NTM: variants seen among roughly 807,000 people sequenced by gnomAD.
NTM encodes the protein neurotrimin.
NTM carries 13 observed loss-of-function variants against 42.1 expected under a neutral mutation model. The observed-to-expected ratio is 0.31, with a 90% CI of 0.20 to 0.49. The LOEUF is 0.49. NTM is among the 20% of genes least tolerant of loss of function. The pLI, the probability that NTM is intolerant of heterozygous loss-of-function variation, is 0.99. For synonymous variants in NTM, 187 were observed against 179.2 expected, an observed-to-expected ratio of 1.04 and a Z score of -0.35; for missense variants, 373 against 452.8, an observed-to-expected ratio of 0.82 and a Z score of 1.60.
chr11:131,427,962 C>T (rs1376911345), intron 1 of NTM, among the ~76,000 whole-genome samples: 11 of 152,114 alleles, frequency 7.2e-5, no homozygotes, highest in East Asian at 1.9e-4. Context: ...TTTTACATGT[C>T]GACATACCAT....
At chr11:132,247,478 G>T (rs971506486) in intron 4 of NTM, among the ~76,000 whole-genome samples, 11 of 152,126 alleles carry the variant, frequency 7.2e-5, no homozygotes, top group Admixed American at 3.3e-4. Flanking sequence ...AGATACTTTT[G>T]CTTCCCTTCT....
chr11:132,208,893 C>CA (rs2082396771), intron 3 of NTM, among the ~76,000 whole-genome samples: 4 of 152,146 alleles, frequency 2.6e-5, no homozygotes, highest in Non-Finnish European at 5.9e-5. Flanking sequence ...CAATAAATTA[C>CA]TTACCTGCAC....
intron 1 of NTM, among the ~76,000 whole-genome samples, chr11:131,410,626 T>A (rs1946303428): frequency 6.6e-6 from 1 of 150,558 alleles, no homozygotes; most frequent in Admixed American, 6.6e-5. Flanking sequence ...ATTTCTTGCG[T>A]CAATCTTTTT....
chr11:132,057,370 A>G (rs1465963923), intron 2 of NTM, among the ~76,000 whole-genome samples: 1 of 152,092 alleles, frequency 6.6e-6, no homozygotes, highest in East Asian at 1.9e-4. Context: ...TAGTGCAAAA[A>G]CTTCTTCCCT....
At chr11:131,454,260 A>G (rs539272591) in intron 1 of NTM, among the ~76,000 whole-genome samples, 1 of 152,330 alleles carries the variant, frequency 6.6e-6, no homozygotes, top group African/African-American at 2.4e-5. Context: ...ATTAAGCTTT[A>G]TCATAGGTAT....
At chr11:132,097,206 C>T (rs115422216) in intron 2 of NTM, among the ~76,000 whole-genome samples, 1 of 152,298 alleles carries the variant, frequency 6.6e-6, no homozygotes, top group African/African-American at 2.4e-5. Flanking sequence ...GCTCAGCTCT[C>T]TAGAGAGAGC....
At chr11:132,125,289 G>A (rs1036291314) in intron 2 of NTM, among the ~76,000 whole-genome samples, 7 of 147,528 alleles carry the variant, frequency 4.7e-5, no homozygotes, top group East Asian at 1.9e-4. Flanking sequence ...GTGTGTTTGT[G>A]TGTGTGTGTG....
chr11:131,834,600 T>A (rs1305676805), intron 1 of NTM, among the ~76,000 whole-genome samples: 2 of 118,390 alleles, frequency 1.7e-5, no homozygotes, highest in Non-Finnish European at 3.7e-5. Flanking sequence ...ATCTTCGGAA[T>A]AGTGTGTGTA....
In NTM at chr11:131,824,103, G is replaced by A. The variant is rs926040414; in HGVS notation, c.83-87461G>A. ...GTGAAGCACATCAGCTGAGGAGTGA[G>A]TTATAAATGAATCTAACAGAGAGAC... On this transcript the variant is annotated intron_variant, in intron 1 of 8. Coordinates refer to ENST00000683400, the MANE Select transcript of NTM (RefSeq NM_001352005.2). 4.6e-5 allele frequency among the ~76,000 whole-genome samples: 7 copies of A among 152,176 alleles called. No individual in the cohort carries two copies. In the South Asian group the frequency reaches 6.2e-4, roughly 13 times the overall value.
chr11:131,796,081 C>T, intron 1 of NTM: 1 of 985,386 alleles, frequency 1.0e-6, no homozygotes, highest in Non-Finnish European at 1.2e-6. Flanking sequence ...GCGTAACTCA[C>T]ACTAGTTATT....
At chr11:131,867,476 AGT>A (rs538970529) in intron 1 of NTM, among the ~76,000 whole-genome samples, 3 of 147,868 alleles carry the variant, frequency 2.0e-5, no homozygotes, top group South Asian at 2.1e-4. Flanking sequence ...TGTGTGTCTG[AGT>A]GTGTGTCTAC....
chr11:131,766,484 G>T (rs1049640447), intron 1 of NTM, among the ~76,000 whole-genome samples: 1 of 152,112 alleles, frequency 6.6e-6, no homozygotes, highest in African/African-American at 2.4e-5. Context: ...ACACACGGGA[G>T]GTACGTCAAG....
At chr11:131,553,088 G>GA (rs1458272058) in intron 1 of NTM, among the ~76,000 whole-genome samples, 1 of 152,050 alleles carries the variant, frequency 6.6e-6, no homozygotes, top group East Asian at 1.9e-4. Context: ...CTTTAAAAAG[G>GA]AAAAATCGAG....
At chr11:131,507,784 G>A (rs892799325) in intron 1 of NTM, among the ~76,000 whole-genome samples, 1 of 148,176 alleles carries the variant, frequency 6.7e-6, no homozygotes, top group South Asian at 2.2e-4. Context: ...TCCCTTGTAA[G>A]TTGGATTCCT....
intron 3 of NTM, among the ~76,000 whole-genome samples, chr11:132,151,331 C>G (rs1404646380): frequency 6.6e-6 from 1 of 152,186 alleles, no homozygotes; most frequent in Non-Finnish European, 1.5e-5. Flanking sequence ...TTTCTAAGAA[C>G]CCATGAATGG....
intron 1 of NTM, among the ~76,000 whole-genome samples, chr11:131,655,938 C>A (rs1439532882): frequency 6.6e-6 from 1 of 152,222 alleles, no homozygotes; most frequent in Non-Finnish European, 1.5e-5. Flanking sequence ...CACCATTGAA[C>A]CTGTGCCCTA....
At chr11:131,899,607 A>G (rs2052820144) in intron 1 of NTM, among the ~76,000 whole-genome samples, 1 of 152,218 alleles carries the variant, frequency 6.6e-6, no homozygotes, top group African/African-American at 2.4e-5. Context: ...TCATACTTCA[A>G]AGGTTACAGA....
At chr11:131,411,722 G>C (rs1318865181) in intron 1 of NTM, among the ~76,000 whole-genome samples, 2 of 152,120 alleles carry the variant, frequency 1.3e-5, no homozygotes, top group African/African-American at 4.8e-5. Flanking sequence ...CCACATCGCA[G>C]TTGTACGTGG....
At chr11:131,595,530 A>T (rs915814405) in intron 1 of NTM, among the ~76,000 whole-genome samples, 1 of 152,190 alleles carries the variant, frequency 6.6e-6, no homozygotes, top group African/African-American at 2.4e-5. Context: ...TCTCCATCCC[A>T]AGCAATTGTG....
Sources: allele counts gnomAD v4.1 joint callset (sites outside exome capture counted in the v4.1 genomes callset), GRCh38; gene constraint gnomAD v4.1.1; transcripts MANE v1.5; gene names NCBI Gene and HGNC (gene_info 2026-07-23, HGNC 2026-07-21).